Variants in PCCB observed in about 807,000 individuals in gnomAD.
PCCB encodes the protein propionyl-CoA carboxylase beta chain, mitochondrial.
Under a neutral mutation model 60.7 loss-of-function variants are expected in PCCB, and 43 were observed. That is an observed-to-expected ratio of 0.71 (90% CI 0.55 to 0.91). The LOEUF (loss-of-function observed/expected upper bound fraction) is 0.91, where lower values mean the gene tolerates loss of function less well. Ranked by LOEUF, PCCB falls within the 40% of genes least tolerant of loss-of-function variation. The probability of loss-of-function intolerance (pLI) is 0.00; values close to 1 mark genes in which losing one functional copy is unlikely to be tolerated. For missense variants in PCCB, 766 were observed against 702.8 expected (o/e 1.09, Z -1.02); for synonymous variants, 276 against 255.9 (o/e 1.08, Z -0.75).
chr3:136,327,795 A>G, intron 13 of PCCB, 63 bp downstream of exon 13: 2 of 1,311,758 alleles, frequency 1.5e-6, no homozygotes, highest in African/African-American at 1.4e-5. Flanking sequence ...CGAGAGCTCA[A>G]GGCATAGCTG....
At chr3:136,296,807 A>T (rs909079295) in intron 7 of PCCB, among the ~76,000 whole-genome samples, 11 of 152,250 alleles carry the variant, frequency 7.2e-5, no homozygotes, top group Non-Finnish European at 1.3e-4. Context: ...TTAAAAATTT[A>T]AAATAGAATA....
At chr3:136,259,397 G>GGAGGATAC (rs2108142473) in intron 3 of PCCB, among the ~76,000 whole-genome samples, 1 of 152,216 alleles carries the variant, frequency 6.6e-6, no homozygotes, top group East Asian at 1.9e-4. Context: ...CCTGGGAGGC[G>GGAGGATAC]GAGGATACAG....
chr3:136,313,007 C>G (rs1329941698), intron 9 of PCCB, among the ~76,000 whole-genome samples: 3 of 152,186 alleles, frequency 2.0e-5, no homozygotes, highest in African/African-American at 7.2e-5. Context: ...CAACTTCATA[C>G]ATAATGCTAG....
At chr3:136,326,121 T>G (rs548977704) in intron 10 of PCCB, among the ~76,000 whole-genome samples, 1 of 152,330 alleles carries the variant, frequency 6.6e-6, no homozygotes, top group Non-Finnish European at 1.5e-5. Context: ...CTACTGTTTT[T>G]GTATATATTG....
chr3:136,300,322 C>T (rs1560020005), intron 8 of PCCB, among the ~76,000 whole-genome samples: 1 of 152,166 alleles, frequency 6.6e-6, no homozygotes. Context: ...CCCAGGAGTA[C>T]GTCTCAGGGT....
intron 9 of PCCB, among the ~76,000 whole-genome samples, chr3:136,309,324 A>G (rs1328409972): frequency 6.6e-6 from 1 of 152,186 alleles, no homozygotes; most frequent in African/African-American, 2.4e-5. Flanking sequence ...AGGGGAAAAA[A>G]CCCTGTAAAA....
At position 136,323,823 on chromosome 3, in the gene PCCB, A is replaced by C. The variant is rs552094039; in HGVS notation, c.1091-2980A>C. Among the ~76,000 whole-genome samples, 839 of 151,160 alleles carry C rather than the reference A, an allele frequency of 5.6e-3. 2 individuals are homozygous for C. The highest frequency in any genetic ancestry group is 8.4e-3 in the Admixed American group (128 of 15,200). ...AAAACATCTCAAAAAAAAAAAAAAA[A>C]CCCACTAGTAGTGTTTTATAGTCTT... On this transcript the variant is annotated intron_variant, in intron 10 of 14. Coordinates refer to ENST00000251654, the MANE Select transcript of PCCB (RefSeq NM_000532.5).
chr3:136,279,042 T>C (rs962744864), intron 5 of PCCB, among the ~76,000 whole-genome samples: 24 of 152,222 alleles, frequency 1.6e-4, no homozygotes, highest in African/African-American at 5.1e-4. Context: ...TGTGAACCTT[T>C]TATCAATATG....
chr3:136,290,332 TTTAAA>T (rs1933617378), intron 6 of PCCB, among the ~76,000 whole-genome samples: 1 of 152,198 alleles, frequency 6.6e-6, no homozygotes, highest in Non-Finnish European at 1.5e-5. Flanking sequence ...CCCTCAACAC[TTTAAA>T]TATTTCATTC....
intron 10 of PCCB, among the ~76,000 whole-genome samples, chr3:136,321,170 G>T (rs1560030853): frequency 6.6e-6 from 1 of 152,054 alleles, no homozygotes. Flanking sequence ...AATCCCACTG[G>T]ATCACAGTGT....
chr3:136,329,800 C>T, intron 14 of PCCB, 105 bp from the exon 15 acceptor site: 1 of 1,274,442 alleles, frequency 7.8e-7, no homozygotes. Context: ...TTGGGCACTG[C>T]TTATACTGCT....
At chr3:136,318,110 G>T (rs762080625) in intron 10 of PCCB, among the ~76,000 whole-genome samples, 1 of 152,182 alleles carries the variant, frequency 6.6e-6, no homozygotes, top group African/African-American at 2.4e-5. Flanking sequence ...AGGCCAAGGC[G>T]GGTGGATCAC....
At chr3:136,267,397 A>T (rs1404306551) in intron 5 of PCCB, among the ~76,000 whole-genome samples, 5 of 150,672 alleles carry the variant, frequency 3.3e-5, no homozygotes, top group African/African-American at 1.2e-4. Flanking sequence ...GTCTTACTAC[A>T]TTGCCCAGCC....
chr3:136,327,804 T>A (rs927992137), intron 13 of PCCB, 72 bp downstream of exon 13: 1 of 1,228,390 alleles, frequency 8.1e-7, no homozygotes, highest in Admixed American at 1.8e-5. Flanking sequence ...AAGGCATAGC[T>A]GGGAAATGTT....
At chr3:136,276,471 G>A (rs959870207) in intron 5 of PCCB, among the ~76,000 whole-genome samples, 2 of 152,142 alleles carry the variant, frequency 1.3e-5, no homozygotes, top group African/African-American at 2.4e-5. Context: ...TAGTGTTCCA[G>A]CTATTCGGAT....
chr3:136,321,546 G>C (rs191406038), intron 10 of PCCB, among the ~76,000 whole-genome samples: 1 of 152,272 alleles, frequency 6.6e-6, no homozygotes, highest in Admixed American at 6.5e-5. Flanking sequence ...GGAAATGCCA[G>C]ATGTTTATAA....
chr3:136,324,101 TTTC>T (rs1935210434), intron 10 of PCCB, among the ~76,000 whole-genome samples: 1 of 151,988 alleles, frequency 6.6e-6, no homozygotes. Context: ...GAAGTCCCTG[TTTC>T]TTCTTATTGT....
rs534429268 is a variant in PCCB, at chr3:136,298,139, G to A, written c.884+67G>A. ...AGCTTGCCTTTCTCTGCCCTGACAG[G>A]ACCCCCAGGGTCTGCCTTGTTGGGC... is the stretch of plus-strand genomic sequence containing the variant. On this transcript the variant is annotated intron_variant, in intron 8 of 14. Coordinates refer to ENST00000251654, the MANE Select transcript of PCCB (RefSeq NM_000532.5). 3.5e-4 allele frequency: 561 copies of A among 1,603,756 alleles called. 1 individual carries two copies. The African/African-American group carries it at 5.2e-3, about 15-fold the overall frequency.
At chr3:136,310,584 A>G (rs1233419887) in intron 9 of PCCB, among the ~76,000 whole-genome samples, 4 of 152,240 alleles carry the variant, frequency 2.6e-5, no homozygotes, top group Non-Finnish European at 1.5e-5. Flanking sequence ...TAAGGGCCAA[A>G]TAGTCCTAGT....
Sources: gnomAD v4.1 joint callset for allele counts (sites outside exome capture counted in the v4.1 genomes callset) on GRCh38, gnomAD v4.1.1 for gene constraint, MANE v1.5 for transcripts, NCBI Gene and HGNC (gene_info 2026-07-23, HGNC 2026-07-21) for gene names.